The following SMPDL3B variants were observed in gnomAD, a reference collection of about 807,000 sequenced individuals.
The protein encoded by SMPDL3B is sphingomyelin phosphodiesterase acid like 3B, also known as acid sphingomyelinase-like phosphodiesterase 3b.
A neutral mutation model predicts 37.9 loss-of-function variants in SMPDL3B; 31 were observed. That is an observed-to-expected ratio of 0.82 (90% confidence interval 0.61 to 1.10). The LOEUF is 1.10. SMPDL3B is among the 50% of genes least tolerant of loss of function. SMPDL3B has a pLI of 0.00. For missense variants in SMPDL3B, 525 were observed against 597.8 expected (o/e 0.88, Z 1.27); for synonymous variants, 235 against 242.6 (o/e 0.97, Z 0.29).
intron 1 of SMPDL3B, among the ~76,000 whole-genome samples, chr1:27,938,367 G>A (rs368677618): frequency 7.2e-5 from 11 of 152,208 alleles, no homozygotes; most frequent in Non-Finnish European, 1.5e-4. Flanking sequence ...GGAAGAGCCA[G>A]GATTCAAAAT....
chr1:27,945,139 C>A lies in SMPDL3B; in HGVS notation c.62-93C>A. 8.2e-7 allele frequency: 1 copy of A among 1,216,744 alleles called. No individual in the cohort carries two copies. Among genetic ancestry groups the A allele is most frequent in the Non-Finnish European group, 1.2e-6 (1 of 835,870 alleles). 75.4% of individuals were successfully genotyped at this position (1,216,744 alleles called of 1,614,324 possible). ...AGAAGACTTCCATTTGCCTGTGTAA[C>A]GCCCCTGCCCCAGCCCAGGGCTCCC... On this transcript the variant is annotated intron_variant, in intron 1 of 7. Coordinates refer to ENST00000373894, the MANE Select transcript of SMPDL3B (RefSeq NM_014474.4). This position sits in a 1 kb window ranked among gnomAD's most constrained non-coding sequence, Gnocchi z 4.0.
chr1:27,954,477 T>A lies in SMPDL3B; in HGVS notation c.641T>A (p.Phe214Tyr), dbSNP rs2090481945. ...TADMADPGQQ[F>Y]QWLEDVLTDA... ...GACATGGCGGACCCTGGCCAGCAGTTCCAGTGGCTGGAAGATGTGCTGACC... is the reference window on the plus strand; with the variant it reads ...GACATGGCGGACCCTGGCCAGCAGTACCAGTGGCTGGAAGATGTGCTGACC... The change falls in exon 5 of 8, where the codon TTC (phenylalanine) becomes TAC (tyrosine). Residue 214 changes from phenylalanine (F) to tyrosine (Y), a missense_variant. Phe to Tyr is a conservative substitution (Grantham distance 22, BLOSUM62 3). Transcript: ENST00000373894. 1 of 1,613,952 alleles carries A rather than the reference T, an allele frequency of 6.2e-7. No individual in the cohort carries two copies. The highest frequency in any genetic ancestry group is 8.5e-7 in the Non-Finnish European group (1 of 1,180,036).
At chr1:27,953,682 G>A (rs971016939) in intron 4 of SMPDL3B, among the ~76,000 whole-genome samples, 6 of 152,192 alleles carry the variant, frequency 3.9e-5, no homozygotes, top group African/African-American at 1.4e-4. Flanking sequence ...TTTCCAGCAG[G>A]TTTGAACCTT....
intron 1 of SMPDL3B, among the ~76,000 whole-genome samples, chr1:27,939,560 T>C (rs1443684368): frequency 6.6e-6 from 1 of 152,152 alleles, no homozygotes; most frequent in Non-Finnish European, 1.5e-5. Context: ...GGCTCATACC[T>C]GTAATCCTAG....
At chr1:27,935,912 A>G (rs1557488874) in intron 1 of SMPDL3B, among the ~76,000 whole-genome samples, 1 of 152,186 alleles carries the variant, frequency 6.6e-6, no homozygotes, top group African/African-American at 2.4e-5. Context: ...GTGCATGAGG[A>G]ACAGCAAGGA....
intron 7 of SMPDL3B, chr1:27,956,545 C>T: frequency 2.9e-6 from 3 of 1,042,268 alleles, no homozygotes; most frequent in Non-Finnish European, 3.5e-6. Flanking sequence ...AGACGAGGCT[C>T]CAGCCCCTAA....
At chr1:27,936,978 A>G (rs990643233) in intron 1 of SMPDL3B, among the ~76,000 whole-genome samples, 4 of 151,984 alleles carry the variant, frequency 2.6e-5, no homozygotes, top group African/African-American at 4.8e-5. Context: ...CCGAGATTGC[A>G]CCACTGCACT....
At chr1:27,937,878 G>C (rs779165834) in intron 1 of SMPDL3B, among the ~76,000 whole-genome samples, 7 of 152,186 alleles carry the variant, frequency 4.6e-5, no homozygotes, top group Non-Finnish European at 1.0e-4. Context: ...CTGGGCAAAA[G>C]CAGTTTTCAA....
intron 1 of SMPDL3B, among the ~76,000 whole-genome samples, chr1:27,942,020 C>T (rs990508432): frequency 2.0e-5 from 3 of 151,552 alleles, no homozygotes; most frequent in African/African-American, 7.3e-5. Context: ...GACACACACG[C>T]ACACACACAT....
intron 1 of SMPDL3B, among the ~76,000 whole-genome samples, chr1:27,938,017 T>C (rs1383414657): frequency 6.6e-6 from 1 of 152,160 alleles, no homozygotes; most frequent in Non-Finnish European, 1.5e-5. Context: ...TCTGCATAAA[T>C]GCCCCTTAAT....
At position 27,958,583 on chromosome 1, in the gene SMPDL3B, C is replaced by T. The variant is rs776753975; in HGVS notation, c.1113C>T (p.Ser371=). Residue 371 remains serine, a synonymous_variant, in exon 8 of 8, where the codon AGC becomes AGT. Coordinates refer to ENST00000373894, the MANE Select transcript of SMPDL3B (RefSeq NM_014474.4). The surrounding 1 kb of genome is among the most constrained non-coding windows in gnomAD (Gnocchi z 5.6). ...AGGCCTATGGGGTGCCGGACGCCAG[C>T]GCCCACTCCATGCACACAGTGCTGG... ...LTEAYGVPDA[S]AHSMHTVLDR... 5.6e-6 allele frequency: 9 copies of T among 1,613,938 alleles called. No homozygotes were observed. The highest frequency in any genetic ancestry group is 5.0e-5 in the Admixed American group (3 of 60,028).
intron 2 of SMPDL3B, among the ~76,000 whole-genome samples, chr1:27,946,807 C>T (rs537802895): frequency 6.6e-6 from 1 of 152,278 alleles, no homozygotes; most frequent in Admixed American, 6.5e-5. Context: ...CTCAGATGAA[C>T]CTGCCAGGCT....
At position 27,945,113 on chromosome 1, in the gene SMPDL3B, GAGA is replaced by G; in HGVS notation, c.62-115_62-113del. The G allele has an allele frequency of 2.2e-6, 2 of 892,020 alleles. No homozygotes were observed. The highest frequency in any genetic ancestry group is 3.6e-6 in the Non-Finnish European group (2 of 561,842). 55.3% of individuals were successfully genotyped at this position (892,020 alleles called of 1,614,324 possible). A position where few individuals can be genotyped will look rare whatever the true frequency, so the allele number is the denominator to read the frequency against. On this transcript the variant is annotated intron_variant, in intron 1 of 7. Transcript: ENST00000373894. This position sits in a 1 kb window ranked among gnomAD's most constrained non-coding sequence, Gnocchi z 4.0. ...CTTTTCTCTGAACCCGGGGTGCTCA[GAGA>G]AGACTTCCATTTGCCTGTGTAACGC...
At chr1:27,947,220 G>A (rs2090417166) in intron 2 of SMPDL3B, among the ~76,000 whole-genome samples, 1 of 151,906 alleles carries the variant, frequency 6.6e-6, no homozygotes, top group Admixed American at 6.6e-5. Flanking sequence ...ATTTTTATTA[G>A]AGACAAGGTT....
intron 1 of SMPDL3B, among the ~76,000 whole-genome samples, chr1:27,944,725 T>A (rs926977103): frequency 2.0e-5 from 3 of 150,186 alleles, no homozygotes; most frequent in Non-Finnish European, 4.4e-5. Context: ...CAGGTCAGAC[T>A]TTTTTCTTTT....
chr1:27,958,750 C>T lies in SMPDL3B; in HGVS notation c.1280C>T (p.Thr427Ile), dbSNP rs780223607. ...MRQVDIDAYT[T>I]CLYASGTTPV... Reference sequence around the variant, plus strand: ...CAGGTGGACATTGACGCTTACACCACCTGTCTGTATGCCTCTGGCACCACG... The same window carrying T: ...CAGGTGGACATTGACGCTTACACCATCTGTCTGTATGCCTCTGGCACCACG... Residue 427 changes from threonine to isoleucine, a missense_variant, in exon 8 of 8, where the codon ACC becomes ATC. Transcript: ENST00000373894. This position sits in a 1 kb window ranked among gnomAD's most constrained non-coding sequence, Gnocchi z 5.6. 6.2e-7 allele frequency: 1 copy of T among 1,613,614 alleles called. No individual in the cohort carries two copies. The highest frequency in any genetic ancestry group is 8.5e-7 in the Non-Finnish European group (1 of 1,179,982).
chr1:27,937,614 T>A (rs1365404147), intron 1 of SMPDL3B, among the ~76,000 whole-genome samples: 1 of 152,178 alleles, frequency 6.6e-6, no homozygotes, highest in Non-Finnish European at 1.5e-5. Context: ...CAAAAGCCAC[T>A]GAATCACAGG....
intron 1 of SMPDL3B, among the ~76,000 whole-genome samples, chr1:27,941,955 T>A (rs1186288361): frequency 1.3e-5 from 2 of 152,090 alleles, no homozygotes; most frequent in Non-Finnish European, 2.9e-5. Context: ...TCTCCACCAT[T>A]CTGTCCACTA....
In SMPDL3B at chr1:27,955,935, C is replaced by G. The variant is rs767990458; in HGVS notation, c.872-14C>G. On this transcript the variant is annotated splice_polypyrimidine_tract_variant and intron_variant, in intron 6 of 7. Coordinates refer to ENST00000373894, the MANE Select transcript of SMPDL3B (RefSeq NM_014474.4). Reference sequence around the variant, plus strand: ...CCCCAGACCCGCTCAGTCCTGCTGTCTCTCTCCTGACAGGTGTCCCCATAA... The same window carrying G: ...CCCCAGACCCGCTCAGTCCTGCTGTGTCTCTCCTGACAGGTGTCCCCATAA... 1 of 1,613,852 alleles carries G rather than the reference C, an allele frequency of 6.2e-7. No individual in the cohort carries two copies. Among genetic ancestry groups the G allele is most frequent in the African/African-American group, 1.3e-5 (1 of 74,898 alleles).
Sources: allele counts gnomAD v4.1 joint callset (sites outside exome capture counted in the v4.1 genomes callset), GRCh38; gene constraint gnomAD v4.1.1; non-coding constraint Gnocchi (gnomAD v3.1); transcripts MANE v1.5; gene names NCBI Gene and HGNC (gene_info 2026-07-23, HGNC 2026-07-21).